The following TMEM131L variants were observed in gnomAD, a reference collection of about 807,000 sequenced individuals.
TMEM131L encodes transmembrane protein 131-like.
Under a neutral mutation model 192.2 loss-of-function variants are expected in TMEM131L, and 54 were observed. That is an observed-to-expected ratio of 0.28 (90% CI 0.23 to 0.35). TMEM131L has a LOEUF of 0.35. TMEM131L is among the 10% of genes least tolerant of loss of function. The probability of loss-of-function intolerance (pLI) is 1.00; values close to 1 mark genes in which losing one functional copy is unlikely to be tolerated. For missense variants in TMEM131L, 1,888 were observed against 1,972.9 expected, an observed-to-expected ratio of 0.96 and a Z score of 0.82; for synonymous variants, 701 against 704.9, an observed-to-expected ratio of 0.99 and a Z score of 0.09.
chr4:153,545,290 CTT>C (rs59852943), intron 3 of TMEM131L, among the ~76,000 whole-genome samples: 4 of 132,288 alleles, frequency 3.0e-5, no homozygotes, highest in Non-Finnish European at 1.6e-5. Flanking sequence ...CTTTTTCAAA[CTT>C]TTTTTTTTTT....
intron 25 of TMEM131L, among the ~76,000 whole-genome samples, chr4:153,607,684 G>C (rs1732332014): frequency 6.6e-6 from 1 of 152,136 alleles, no homozygotes; most frequent in Non-Finnish European, 1.5e-5. Context: ...ACTCCTGGAG[G>C]CACCTGAATA....
chr4:153,584,095 T>C (rs1007985002), intron 11 of TMEM131L, among the ~76,000 whole-genome samples: 3 of 152,342 alleles, frequency 2.0e-5, no homozygotes, highest in Non-Finnish European at 4.4e-5. Context: ...CTATAAGAAA[T>C]GTGTGTTTGT....
chr4:153,575,140 G>A (rs1729848915), intron 7 of TMEM131L, among the ~76,000 whole-genome samples: 1 of 152,174 alleles, frequency 6.6e-6, no homozygotes, highest in African/African-American at 2.4e-5. Flanking sequence ...TACTCTTGTT[G>A]ATAAGACATC....
At chr4:153,607,716 G>A (rs1732334193) in intron 25 of TMEM131L, among the ~76,000 whole-genome samples, 1 of 152,188 alleles carries the variant, frequency 6.6e-6, no homozygotes, top group African/African-American at 2.4e-5. Context: ...CCTATTCTGA[G>A]GCTTCCCCCC....
At chr4:153,537,997 C>T (rs776328043) in intron 3 of TMEM131L, among the ~76,000 whole-genome samples, 4 of 152,212 alleles carry the variant, frequency 2.6e-5, no homozygotes, top group Non-Finnish European at 5.9e-5. Flanking sequence ...CACTGAACAA[C>T]TTTAAGTAGA....
chr4:153,601,147 C>G (rs926916230), intron 21 of TMEM131L, among the ~76,000 whole-genome samples: 1 of 151,644 alleles, frequency 6.6e-6, no homozygotes, highest in African/African-American at 2.4e-5. Context: ...TTTTACATTC[C>G]GAATTCTTCT....
intron 3 of TMEM131L, among the ~76,000 whole-genome samples, chr4:153,543,577 C>T (rs895670799): frequency 6.6e-6 from 1 of 152,192 alleles, no homozygotes. Flanking sequence ...TGTTGGCATG[C>T]ATCGGTATAG....
At chr4:153,547,462 A>G (rs997049260) in intron 3 of TMEM131L, among the ~76,000 whole-genome samples, 7 of 152,186 alleles carry the variant, frequency 4.6e-5, no homozygotes, top group African/African-American at 1.2e-4. Context: ...TGCTTTTCTT[A>G]TTAGATGAGG....
At chr4:153,608,359 G>C (rs1732385953) in intron 25 of TMEM131L, among the ~76,000 whole-genome samples, 1 of 152,102 alleles carries the variant, frequency 6.6e-6, no homozygotes. Flanking sequence ...AGAACCTCTT[G>C]GTCATCTGAC....
intron 7 of TMEM131L, among the ~76,000 whole-genome samples, chr4:153,560,572 C>T (rs1451279692): frequency 4.6e-5 from 7 of 152,196 alleles, no homozygotes; most frequent in South Asian, 2.1e-4. Context: ...GCAGCCCTCA[C>T]GATCACTGTC....
intron 21 of TMEM131L, among the ~76,000 whole-genome samples, chr4:153,601,688 C>T (rs899787003): frequency 6.6e-6 from 1 of 152,134 alleles, no homozygotes; most frequent in African/African-American, 2.4e-5. Context: ...CATGTTTGAA[C>T]TGTGTTTCTA....
intron 3 of TMEM131L, among the ~76,000 whole-genome samples, chr4:153,475,039 C>T (rs1208476923): frequency 6.6e-6 from 1 of 152,190 alleles, no homozygotes; most frequent in African/African-American, 2.4e-5. Flanking sequence ...TGTAAGTTAC[C>T]ATTTTCCACC....
At chr4:153,480,230 T>A (rs1011850363) in intron 3 of TMEM131L, among the ~76,000 whole-genome samples, 3 of 152,122 alleles carry the variant, frequency 2.0e-5, no homozygotes, top group African/African-American at 7.2e-5. Context: ...TCCCAGCTGC[T>A]TGGGAGGCTG....
At chr4:153,539,182 C>T (rs1371943312) in intron 3 of TMEM131L, among the ~76,000 whole-genome samples, 3 of 152,136 alleles carry the variant, frequency 2.0e-5, no homozygotes, top group East Asian at 1.9e-4. Flanking sequence ...GGGGGGGAGG[C>T]GGAAAAAAAC....
intron 25 of TMEM131L, among the ~76,000 whole-genome samples, chr4:153,608,443 A>G (rs1426144376): frequency 6.6e-6 from 1 of 152,198 alleles, no homozygotes; most frequent in African/African-American, 2.4e-5. Context: ...AACCATTTTC[A>G]CTGTCTGATC....
Position 153,603,231 on chromosome 4 carries a change from C to A in TMEM131L, c.2640-72C>A. 3 of 1,316,054 alleles carry A rather than the reference C, an allele frequency of 2.3e-6. 1 individual carries two copies. The South Asian group carries it at 4.7e-5, about 21-fold the overall frequency. The allele number at this position is 1,316,054 out of a possible 1,614,324, so 81.5% of individuals were successfully genotyped here. ...TTTTCGTAAATCATTCCCCACTCTTCTGTAATGAAACTAGTCTTTTGAATG... is the reference window on the plus strand; with the variant it reads ...TTTTCGTAAATCATTCCCCACTCTTATGTAATGAAACTAGTCTTTTGAATG... On this transcript the variant is annotated intron_variant, in intron 23 of 34. Coordinates refer to ENST00000409959, the MANE Select transcript of TMEM131L (RefSeq NM_001131007.2).
At chr4:153,537,664 A>G (rs1246683561) in intron 3 of TMEM131L, among the ~76,000 whole-genome samples, 2 of 152,128 alleles carry the variant, frequency 1.3e-5, no homozygotes, top group African/African-American at 4.8e-5. Context: ...CGGCTTCTTT[A>G]CTGCAACCTG....
In TMEM131L at chr4:153,586,373, A is replaced by G. The variant is rs764637630; in HGVS notation, c.1476A>G (p.Pro492=). The change falls in exon 14 of 35, where the codon CCA becomes CCG. Residue 492 remains proline, a synonymous_variant. Transcript: ENST00000409959. ...TACCTCTACAGATTTATTCAGCACC[A>G]ACCAAGGTATTTTCTACAATACTAT... ...FAIPLQIYSA[P]TKEGSLGFEV... is the part of the protein sequence containing the mutation. The G allele has an allele frequency of 1.9e-6, 3 of 1,595,724 alleles. No homozygotes were observed. The Admixed American group carries it at 5.3e-5, about 28-fold the overall frequency.
intron 3 of TMEM131L, among the ~76,000 whole-genome samples, chr4:153,547,077 A>G (rs986159823): frequency 1.3e-5 from 2 of 152,232 alleles, no homozygotes; most frequent in South Asian, 2.1e-4. Flanking sequence ...GTATTTTTCA[A>G]GCTGTAAAGT....
Sources: allele counts gnomAD v4.1 joint callset (sites outside exome capture counted in the v4.1 genomes callset), GRCh38; gene constraint gnomAD v4.1.1; transcripts MANE v1.5; gene names NCBI Gene and HGNC (gene_info 2026-07-23, HGNC 2026-07-21).